KLF11: variants seen among roughly 807,000 people sequenced by gnomAD.
The protein encoded by KLF11 is KLF transcription factor 11.
KLF11 carries 26 observed loss-of-function variants against 29.9 expected under a neutral mutation model. The observed-to-expected ratio is 0.87, with a 90% CI of 0.64 to 1.21. KLF11 has a LOEUF of 1.21. KLF11 is among the 50% of genes most tolerant of loss of function. The pLI is 0.00. For missense variants in KLF11, 778 were observed against 665.7 expected, an observed-to-expected ratio of 1.17 and a Z score of -1.86; for synonymous variants, 318 against 257.4, an observed-to-expected ratio of 1.24 and a Z score of -2.25.
Position 10,043,680 on chromosome 2 carries a change from C to T in KLF11, c.-37C>T, listed in dbSNP as rs568164951. 9.3e-6 allele frequency: 12 copies of T among 1,292,930 alleles called. No individual in the cohort carries two copies. The highest frequency in any genetic ancestry group is 6.4e-5 in the African/African-American group (4 of 62,944). The allele number at this position is 1,292,930 out of a possible 1,614,324, so 80.1% of individuals were successfully genotyped here. On this transcript the variant is annotated 5_prime_UTR_variant, in exon 1 of 4. Transcript: ENST00000305883. ...GCCGCTGCTGCGCCCGAGCTCACGC[C>T]CCGCGGCCGCTTTGTTGCTCCCGGC...
At chr2:10,050,640 C>T (rs554178921) in intron 3 of KLF11, among the ~76,000 whole-genome samples, 163 of 151,814 alleles carry the variant, frequency 1.1e-3, no homozygotes, top group African/African-American at 3.9e-3. Context: ...GCCTGGGAGG[C>T]GGAGGTTGCA....
At chr2:10,044,474 TTC>T in intron 1 of KLF11, 1 of 981,096 alleles carries the variant, frequency 1.0e-6, no homozygotes, top group Non-Finnish European at 1.2e-6. Flanking sequence ...CGGCGCCCGG[TTC>T]TGTGACATCA....
intron 3 of KLF11, among the ~76,000 whole-genome samples, chr2:10,051,207 C>A (rs573950594): frequency 7.1e-6 from 1 of 141,374 alleles, no homozygotes; most frequent in East Asian, 2.2e-4. Context: ...CATGCCCGGC[C>A]GGTGCTACTT....
chr2:10,052,468 C>T lies in KLF11; in HGVS notation c.1500C>T (p.Ser500=), dbSNP rs771122833. 1.2e-6 allele frequency: 2 copies of T among 1,614,046 alleles called. No individual in the cohort carries two copies. The highest frequency in any genetic ancestry group is 1.1e-5 in the South Asian group (1 of 91,072). Residue 500 remains serine, a synonymous_variant, in exon 4 of 4, where the codon AGC becomes AGT. Coordinates refer to ENST00000305883, the MANE Select transcript of KLF11 (RefSeq NM_003597.5). ...GKLNRIASAE[S]PGSPLVSMPA... Reference sequence around the variant, plus strand: ...TGAACAGAATCGCCTCTGCAGAGAGCCCGGGGAGCCCACTGGTGAGCATGC... The same window carrying T: ...TGAACAGAATCGCCTCTGCAGAGAGTCCGGGGAGCCCACTGGTGAGCATGC...
intron 3 of KLF11, 26 bp downstream of exon 3, chr2:10,048,621 T>C (rs376366561): frequency 7.9e-5 from 120 of 1,522,830 alleles, no homozygotes; most frequent in Non-Finnish European, 1.1e-4. Context: ...GGTGGGGCAT[T>C]GGGCACACCA....
Position 10,054,119 on chromosome 2 carries a change from C to G in KLF11, c.*1612C>G, listed in dbSNP as rs886054734. On this transcript the variant is annotated 3_prime_UTR_variant, in exon 4 of 4. Transcript: ENST00000305883. ...ACTTGACACAAATGTGTGTGTTATT[C>G]AGAGGTTTTCAGTCTGGACACTCCA... 3.3e-5 allele frequency: 5 copies of G among 152,140 alleles called. No individual in the cohort carries two copies. Among genetic ancestry groups the G allele is most frequent in the African/African-American group, 2.4e-5 (1 of 41,430 alleles). The allele number at this position is 152,140 out of a possible 1,614,324, so 9.4% of individuals were successfully genotyped here.
chr2:10,051,327 G>A (rs2125282125), intron 3 of KLF11, among the ~76,000 whole-genome samples: 1 of 152,192 alleles, frequency 6.6e-6, no homozygotes, highest in Middle Eastern at 3.4e-3. Context: ...TCCTGCCTCA[G>A]TCTCCGGAAT....
At position 10,048,255 on chromosome 2, in the gene KLF11, T is replaced by C; in HGVS notation, c.918T>C (p.Pro306=). The C allele has an allele frequency of 1.2e-6, 2 of 1,610,564 alleles. No homozygotes were observed. The highest frequency in any genetic ancestry group is 8.5e-7 in the Non-Finnish European group (1 of 1,177,670). ...TGTTACCAGCTTTTTTGAAGCCCCC[T>C]CCCCAGTTGTCTGTGGGGACTGTGA... ...SSMLPAFLKP[P]PQLSVGTVRP... The change falls in exon 3 of 4, where the codon CCT becomes CCC. Residue 306 remains proline, a synonymous_variant. Transcript: ENST00000305883.
Position 10,053,850 on chromosome 2 carries a change from T to C in KLF11, c.*1343T>C, listed in dbSNP as rs1558352886. On this transcript the variant is annotated 3_prime_UTR_variant, in exon 4 of 4. Transcript: ENST00000305883. ...TTGGAAGTTCAGGCAATGGAATAAATGTAGGAACATACAGAATGTTGCACT... is the reference window on the plus strand; with the variant it reads ...TTGGAAGTTCAGGCAATGGAATAAACGTAGGAACATACAGAATGTTGCACT... The C allele has an allele frequency of 6.4e-6, 1 of 157,140 alleles. No individual in the cohort carries two copies. The highest frequency in any genetic ancestry group is 1.4e-5 in the Non-Finnish European group (1 of 71,252). The allele number at this position is 157,140 out of a possible 1,614,324, so 9.7% of individuals were successfully genotyped here. A position where few individuals can be genotyped will look rare whatever the true frequency, so the allele number is the denominator to read the frequency against.
At chr2:10,051,684 G>GT (rs1222076228) in intron 3 of KLF11, among the ~76,000 whole-genome samples, 2 of 151,044 alleles carry the variant, frequency 1.3e-5, no homozygotes, top group Non-Finnish European at 2.9e-5. Context: ...CACCCGGCTA[G>GT]TTTTTTGTAT....
In KLF11 at chr2:10,053,305, C is replaced by T. The variant is rs1052359813; in HGVS notation, c.*798C>T. The T allele has an allele frequency of 2.5e-6, 1 of 398,644 alleles. No homozygotes were observed. Among genetic ancestry groups the T allele is most frequent in the Non-Finnish European group, 4.4e-6 (1 of 226,078 alleles). 24.7% of individuals were successfully genotyped at this position (398,644 alleles called of 1,614,324 possible). A position where few individuals can be genotyped will look rare whatever the true frequency, so the allele number is the denominator to read the frequency against. ...GCTGCAGGATCTAGTCTGTAATAGT[C>T]TTGGCCATGGCTCTGCTGAAAGCAA... On this transcript the variant is annotated 3_prime_UTR_variant, in exon 4 of 4. Coordinates refer to ENST00000305883, the MANE Select transcript of KLF11 (RefSeq NM_003597.5).
rs1661468774 is a variant in KLF11 at position 10,053,468 on chromosome 2, A to G, written c.*961A>G. The G allele has an allele frequency of 2.5e-6, 1 of 398,578 alleles. No homozygotes were observed. The highest frequency in any genetic ancestry group is 2.1e-5 in the African/African-American group (1 of 48,640). The allele number at this position is 398,578 out of a possible 1,614,324, so 24.7% of individuals were successfully genotyped here. A position where few individuals can be genotyped will look rare whatever the true frequency, so the allele number is the denominator to read the frequency against. On this transcript the variant is annotated 3_prime_UTR_variant, in exon 4 of 4. Coordinates refer to ENST00000305883, the MANE Select transcript of KLF11 (RefSeq NM_003597.5). Reference sequence around the variant, plus strand: ...TTGTGGGTAGAGTAACTTCTCAGAAAAAAAGGAAATGTCTGTATTGGTTGG... The same window carrying G: ...TTGTGGGTAGAGTAACTTCTCAGAAGAAAAGGAAATGTCTGTATTGGTTGG...
At position 10,053,625 on chromosome 2, in the gene KLF11, A is replaced by T. The variant is rs1457637914; in HGVS notation, c.*1118A>T. 4 of 391,878 alleles carry T rather than the reference A, an allele frequency of 1.0e-5. No individual in the cohort carries two copies. The Admixed American group carries it at 1.8e-4, about 17-fold the overall frequency. 24.3% of individuals were successfully genotyped at this position (391,878 alleles called of 1,614,324 possible). On this transcript the variant is annotated 3_prime_UTR_variant, in exon 4 of 4. Coordinates refer to ENST00000305883, the MANE Select transcript of KLF11 (RefSeq NM_003597.5). ...ATGCAAGTTACGCTAAATGGCAGTA[A>T]TACTACCCAACTGCCTTTCTGTTCA...
intron 3 of KLF11, among the ~76,000 whole-genome samples, chr2:10,050,958 G>T (rs1405823504): frequency 2.5e-5 from 3 of 121,718 alleles, no homozygotes; most frequent in African/African-American, 9.3e-5. Context: ...CTGGAGTGCA[G>T]TGGCGCGATC....
chr2:10,052,272 T>A lies in KLF11; in HGVS notation c.1304T>A (p.Phe435Tyr), dbSNP rs752588055. ...AGCTGGGATGGCTGTGATAAAAAGT[T>A]TGCTCGTTCGGATGAGCTGTCACGC... ...NCSWDGCDKK[F>Y]ARSDELSRHR... The change falls in exon 4 of 4, where the codon TTT becomes TAT. Residue 435 changes from phenylalanine to tyrosine, a missense_variant. Phe to Tyr is a conservative substitution (Grantham distance 22). Coordinates refer to ENST00000305883, the MANE Select transcript of KLF11 (RefSeq NM_003597.5). 4.8e-5 allele frequency: 78 copies of A among 1,614,042 alleles called. No individual in the cohort carries two copies. Among genetic ancestry groups the A allele is most frequent in the Non-Finnish European group, 6.8e-6 (8 of 1,180,042 alleles).
intron 3 of KLF11, 24 bp downstream of exon 3, chr2:10,048,619 A>G: frequency 2.0e-6 from 3 of 1,534,314 alleles, no homozygotes; most frequent in African/African-American, 2.7e-5. Context: ...CAGGTGGGGC[A>G]TTGGGCACAC....
At chr2:10,043,975 TC>T (rs1661082539) in intron 1 of KLF11, 1 of 879,066 alleles carries the variant, frequency 1.1e-6, no homozygotes, top group Non-Finnish European at 1.4e-6. Context: ...GGGGGCGTGT[TC>T]CCCGCGCAGC....
Position 10,046,265 on chromosome 2 carries a change from G to C in KLF11, c.158G>C (p.Cys53Ser), listed in dbSNP as rs751257795. The change falls in exon 2 of 4, where the codon TGT becomes TCT. Residue 53 changes from cysteine (C) to serine (S), a missense_variant. By Grantham distance (112) the Cys-to-Ser change is moderately radical. Coordinates refer to ENST00000305883, the MANE Select transcript of KLF11 (RefSeq NM_003597.5). ...TDMEAVEALV[C>S]MSSWGQRSQK... ...ATGGAAGCTGTCGAGGCTCTTGTTTGTATGAGCTCCTGGGGTCAAAGATCC... is the reference window on the plus strand; with the variant it reads ...ATGGAAGCTGTCGAGGCTCTTGTTTCTATGAGCTCCTGGGGTCAAAGATCC... 1 of 1,614,182 alleles carries C rather than the reference G, an allele frequency of 6.2e-7. No homozygotes were observed. Among genetic ancestry groups the C allele is most frequent in the South Asian group, 1.1e-5 (1 of 91,076 alleles).
chr2:10,043,915 G>A lies in KLF11; in HGVS notation c.42+157G>A, dbSNP rs994658800. On this transcript the variant is annotated intron_variant, in intron 1 of 3. Coordinates refer to ENST00000305883, the MANE Select transcript of KLF11 (RefSeq NM_003597.5). ...AGGGGCCTGGGCGGGCTCCGGAGCC[G>A]GGCGGGGCGGCGGCCGCGACGGGCG... The A allele has an allele frequency of 7.8e-6, 8 of 1,029,962 alleles. No homozygotes were observed. In the African/African-American group the frequency reaches 1.4e-4, roughly 18 times the overall value. The allele number at this position is 1,029,962 out of a possible 1,614,324, so 63.8% of individuals were successfully genotyped here.
Sources: allele counts gnomAD v4.1 joint callset (sites outside exome capture counted in the v4.1 genomes callset), GRCh38; gene constraint gnomAD v4.1.1; transcripts MANE v1.5; gene names NCBI Gene and HGNC (gene_info 2026-07-23, HGNC 2026-07-21).